The following SUSD5 variants were observed in gnomAD, a reference collection of about 807,000 sequenced individuals.
SUSD5 encodes sushi domain-containing protein 5.
Under a neutral mutation model 29.5 loss-of-function variants are expected in SUSD5, and 33 were observed. The ratio of observed to expected loss-of-function variants is 1.12; its 90% CI spans 0.85 to 1.49. The LOEUF is 1.49. SUSD5 is among the 40% of genes most tolerant of loss of function. The probability of loss-of-function intolerance (pLI) is 0.00; values close to 1 mark genes in which losing one functional copy is unlikely to be tolerated. For synonymous variants in SUSD5, 308 were observed against 325.3 expected, an observed-to-expected ratio of 0.95 and a Z score of 0.57; for missense variants, 776 against 800.6, an observed-to-expected ratio of 0.97 and a Z score of 0.37.
chr3:33,218,307 G>A (rs2032460833), intron 1 of SUSD5, among the ~76,000 whole-genome samples: 1 of 152,186 alleles, frequency 6.6e-6, no homozygotes, highest in South Asian at 2.1e-4. Context: ...GTCCTCAGGG[G>A]CACATTAATA....
Position 33,150,461 on chromosome 3 carries a change from C to G in SUSD5, c.*2281G>C, listed in dbSNP as rs2030845632. 1 of 152,128 alleles carries G rather than the reference C, an allele frequency of 6.6e-6. No individual in the cohort carries two copies. Among genetic ancestry groups the G allele is most frequent in the South Asian group, 2.1e-4 (1 of 4,830 alleles). The allele number at this position is 152,128 out of a possible 1,614,324, so 9.4% of individuals were successfully genotyped here. On this transcript the variant is annotated 3_prime_UTR_variant, in exon 5 of 5. Transcript: ENST00000309558. ...AATAGTTGCTAACACAGTCCCAATG[C>G]TGAGACAGAGGTTATTTTATATAGT...
chr3:33,202,363 C>T (rs767883661), intron 3 of SUSD5, among the ~76,000 whole-genome samples: 4 of 152,176 alleles, frequency 2.6e-5, no homozygotes, highest in Non-Finnish European at 5.9e-5. Context: ...TAGCTACTCT[C>T]AAAAATTCCT....
intron 3 of SUSD5, among the ~76,000 whole-genome samples, chr3:33,193,014 G>C (rs1321764955): frequency 6.7e-6 from 1 of 149,184 alleles, no homozygotes; most frequent in Non-Finnish European, 1.5e-5. Flanking sequence ...CTGGGTCTCA[G>C]TGCCAAACAA....
chr3:33,192,567 G>C (rs2031914808), intron 3 of SUSD5, among the ~76,000 whole-genome samples: 1 of 151,608 alleles, frequency 6.6e-6, no homozygotes, highest in African/African-American at 2.4e-5. Flanking sequence ...CAGCACTTTA[G>C]GAGGCCAAGG....
At chr3:33,177,062 T>C (rs1345295647) in intron 3 of SUSD5, among the ~76,000 whole-genome samples, 1 of 152,206 alleles carries the variant, frequency 6.6e-6, no homozygotes, top group Admixed American at 6.5e-5. Context: ...CAATATTTAG[T>C]TGGTTACTCT....
Position 33,153,858 on chromosome 3 carries a change from T to G in SUSD5, c.774A>C (p.Glu258Asp), listed in dbSNP as rs1483888730. 1 of 1,614,004 alleles carries G rather than the reference T, an allele frequency of 6.2e-7. No individual in the cohort carries two copies. The highest frequency in any genetic ancestry group is 1.1e-5 in the South Asian group (1 of 91,084). The stretch of plus-strand genomic sequence containing the variant: ...CAAAGACTTTATCCCGGGCTATGTT[T>G]TCTCTCCCCACAGAAATGGAGACCA... ...DRLVSISVGRENIARDKVFVP... is the reference protein window; with the variant it reads ...DRLVSISVGRDNIARDKVFVP... Residue 258 changes from glutamate (E) to aspartate (D), a missense_variant, in exon 5 of 5, where the codon GAA becomes GAC. Coordinates refer to ENST00000309558, the MANE Select transcript of SUSD5 (RefSeq NM_015551.2).
At chr3:33,216,274 T>C (rs1206875042) in intron 1 of SUSD5, among the ~76,000 whole-genome samples, 3 of 152,100 alleles carry the variant, frequency 2.0e-5, no homozygotes, top group Non-Finnish European at 2.9e-5. Flanking sequence ...CTTAGCAACA[T>C]TGACACAAAA....
intron 3 of SUSD5, among the ~76,000 whole-genome samples, chr3:33,195,251 ATTTG>A (rs2031973836): frequency 6.6e-6 from 1 of 152,184 alleles, no homozygotes; most frequent in African/African-American, 2.4e-5. Flanking sequence ...AAGTGGTTTT[ATTTG>A]TTCTGAGTCC....
At chr3:33,177,446 A>G (rs948257272) in intron 3 of SUSD5, among the ~76,000 whole-genome samples, 25 of 152,294 alleles carry the variant, frequency 1.6e-4, no homozygotes, top group Middle Eastern at 3.4e-3. Context: ...AATTTGTTAG[A>G]TTTATACCTA....
chr3:33,168,997 A>T (rs981308968), intron 4 of SUSD5, among the ~76,000 whole-genome samples: 12 of 152,104 alleles, frequency 7.9e-5, no homozygotes, highest in African/African-American at 2.9e-4. Context: ...CTGGTGTCTG[A>T]CACAGGCAAG....
intron 4 of SUSD5, among the ~76,000 whole-genome samples, chr3:33,170,336 G>A (rs1420713800): frequency 6.6e-6 from 1 of 152,214 alleles, no homozygotes; most frequent in Non-Finnish European, 1.5e-5. Context: ...CCAAGAACAT[G>A]TGTGGATTTT....
intron 1 of SUSD5, among the ~76,000 whole-genome samples, chr3:33,215,733 A>T (rs1025255234): frequency 6.6e-6 from 1 of 152,204 alleles, no homozygotes; most frequent in African/African-American, 2.4e-5. Flanking sequence ...CCCCTTGTGC[A>T]TGGAAATTAC....
rs567760821 is a variant in SUSD5, at chr3:33,164,189, T to C, written c.599-10156A>G. On this transcript the variant is annotated intron_variant, in intron 4 of 4. Coordinates refer to ENST00000309558, the MANE Select transcript of SUSD5 (RefSeq NM_015551.2). Reference sequence around the variant, plus strand: ...ACTCTGTCTCAAAGAAAAAAAAAGATATATAGATATAGATATATAGTTTCC... The same window carrying C: ...ACTCTGTCTCAAAGAAAAAAAAAGACATATAGATATAGATATATAGTTTCC... Among the ~76,000 whole-genome samples the C allele has an allele frequency of 2.6e-4, 40 of 152,068 alleles. No homozygotes were observed. In the South Asian group the frequency reaches 6.4e-3, roughly 24 times the overall value.
intron 3 of SUSD5, among the ~76,000 whole-genome samples, chr3:33,176,807 G>C (rs1042186826): frequency 2.6e-4 from 39 of 152,154 alleles, no homozygotes; most frequent in African/African-American, 9.4e-4. Context: ...AATCGTTTTT[G>C]CATGTGGATG....
chr3:33,205,539 A>G (rs996299559), intron 3 of SUSD5, among the ~76,000 whole-genome samples: 1 of 152,214 alleles, frequency 6.6e-6, no homozygotes. Flanking sequence ...TGGAGTCACT[A>G]TCATGACATT....
Position 33,153,901 on chromosome 3 carries a change from GCCT to G in SUSD5, c.728_730del (p.Glu243del), listed in dbSNP as rs2030985095. The G allele has an allele frequency of 1.9e-6, 3 of 1,613,880 alleles. No homozygotes were observed. Among genetic ancestry groups the G allele is most frequent in the African/African-American group, 1.3e-5 (1 of 74,938 alleles). On this transcript the variant is annotated inframe_deletion, in exon 5 of 5. Transcript: ENST00000309558. ...GGAGACCAGACGGTCCTGTTTTGGA[GCCT>G]CCTCAGAGGAGTCTCCCTGACCCCT...
intron 3 of SUSD5, among the ~76,000 whole-genome samples, chr3:33,177,980 T>A (rs56100110): frequency 0.13 from 20,035 of 152,126 alleles, 1,559 homozygotes; most frequent in South Asian, 0.25. Flanking sequence ...TATTTTATTG[T>A]ATTAGCTAGG....
chr3:33,156,464 A>G (rs2031054985), intron 4 of SUSD5, among the ~76,000 whole-genome samples: 1 of 152,202 alleles, frequency 6.6e-6, no homozygotes, highest in Non-Finnish European at 1.5e-5. Flanking sequence ...AGGAGACCAG[A>G]ATGTAAGGAC....
intron 4 of SUSD5, among the ~76,000 whole-genome samples, chr3:33,166,012 CAA>C (rs60528336): frequency 1.3e-4 from 16 of 119,074 alleles, no homozygotes; most frequent in East Asian, 2.5e-4. Context: ...CCCCCCTCTC[CAA>C]AAAAAAAAAA....
Sources: allele counts gnomAD v4.1 joint callset (sites outside exome capture counted in the v4.1 genomes callset), GRCh38; gene constraint gnomAD v4.1.1; transcripts MANE v1.5; gene names NCBI Gene and HGNC (gene_info 2026-07-23, HGNC 2026-07-21).